The following RARB variants were observed in gnomAD, a reference collection of about 807,000 sequenced individuals.
The protein encoded by RARB is HBV-activated protein.
In RARB, 17 loss-of-function variants were observed where a neutral mutation model predicts 51.9. The observed-to-expected ratio is 0.33, with a 90% CI of 0.22 to 0.49. RARB has a LOEUF of 0.49. Among genes scored for constraint, RARB ranks in the 20% least tolerant of loss-of-function variants. RARB has a pLI of 0.99. For synonymous variants in RARB, 215 were observed against 195.4 expected (o/e 1.10, Z -0.84); for missense variants, 369 against 550.8 (o/e 0.67, Z 3.30).
At chr3:25,591,128 A>G (rs564664424) in intron 5 of RARB, among the ~76,000 whole-genome samples, 9 of 152,350 alleles carry the variant, frequency 5.9e-5, no homozygotes, top group African/African-American at 2.2e-4. Flanking sequence ...CTGGGAGGTG[A>G]AAATAACGAC....
chr3:24,865,560 G>C (rs116518813), intron 2 of RARB, among the ~76,000 whole-genome samples: 4 of 152,082 alleles, frequency 2.6e-5, no homozygotes, highest in African/African-American at 7.2e-5. Context: ...TCCAGAGACC[G>C]TGCTTTACTG....
At chr3:24,853,242 G>T (rs889426784) in intron 1 of RARB, among the ~76,000 whole-genome samples, 1 of 151,966 alleles carries the variant, frequency 6.6e-6, no homozygotes. Flanking sequence ...GTGTGAACCC[G>T]GGAGGCGGAG....
chr3:25,031,992 G>A (rs1019400765), intron 2 of RARB, among the ~76,000 whole-genome samples: 10 of 152,098 alleles, frequency 6.6e-5, no homozygotes, highest in African/African-American at 2.4e-4. Context: ...TCCTCAGAGA[G>A]TTTGCCTTTA....
At chr3:24,986,057 C>T (rs941640392) in intron 2 of RARB, among the ~76,000 whole-genome samples, 2 of 152,168 alleles carry the variant, frequency 1.3e-5, no homozygotes, top group African/African-American at 4.8e-5. Context: ...ATTCTAAGAA[C>T]CACGGGTAAA....
At chr3:25,382,726 T>A (rs186854540) in intron 5 of RARB, among the ~76,000 whole-genome samples, 34 of 152,172 alleles carry the variant, frequency 2.2e-4, no homozygotes, top group African/African-American at 8.2e-4. Context: ...GGTGTGGCGG[T>A]GTGCACCTGT....
chr3:25,531,974 A>G (rs1486521117), intron 3 of RARB, among the ~76,000 whole-genome samples: 1 of 148,056 alleles, frequency 6.8e-6, no homozygotes, highest in East Asian at 2.0e-4. Flanking sequence ...TCATTTCAAT[A>G]CAGTCTGATA....
At chr3:25,370,992 A>C (rs2125471909) in intron 5 of RARB, among the ~76,000 whole-genome samples, 1 of 152,112 alleles carries the variant, frequency 6.6e-6, no homozygotes, top group South Asian at 2.1e-4. Flanking sequence ...ATCTTCATTC[A>C]CGTATCTCCT....
At chr3:24,861,864 G>T (rs73152459) in intron 2 of RARB, among the ~76,000 whole-genome samples, 2,060 of 152,294 alleles carry the variant, frequency 0.014, 26 homozygotes, top group African/African-American at 0.047. Context: ...TGGATGCCCT[G>T]CAGGGACCAC....
intron 3 of RARB, among the ~76,000 whole-genome samples, chr3:25,117,270 G>A (rs1402472642): frequency 6.6e-6 from 1 of 152,160 alleles, no homozygotes; most frequent in Admixed American, 6.5e-5. Flanking sequence ...GTGTGTAACA[G>A]GAATATGTAA....
intron 2 of RARB, among the ~76,000 whole-genome samples, chr3:24,923,877 A>G (rs1430033904): frequency 6.6e-6 from 1 of 152,140 alleles, no homozygotes; most frequent in Non-Finnish European, 1.5e-5. Flanking sequence ...GTGAATTTGG[A>G]GTGGGAGGAA....
At chr3:25,541,760 G>A (rs1699392298) in intron 3 of RARB, among the ~76,000 whole-genome samples, 1 of 152,198 alleles carries the variant, frequency 6.6e-6, no homozygotes, top group Non-Finnish European at 1.5e-5. Context: ...AGCAGACAGT[G>A]TAAATATCCT....
intron 7 of RARB, among the ~76,000 whole-genome samples, 173 bp downstream of exon 7, chr3:25,594,851 A>C (rs1301139284): frequency 2.0e-5 from 3 of 152,022 alleles, no homozygotes; most frequent in South Asian, 2.1e-4. Context: ...AAAAAAAAAA[A>C]AAACACCTCA....
chr3:24,989,578 T>A lies in RARB; in HGVS notation c.-379-70547T>A, dbSNP rs1203622283. On this transcript the variant is annotated intron_variant, in intron 2 of 11. Coordinates refer to the RARB transcript ENST00000383772. ...CCCCTTGATGTTTAATATATATTTT[T>A]CTGATTATTAGTGAAGTTGAGCGTC... is the stretch of plus-strand genomic sequence containing the variant. 3.7e-5 allele frequency among the ~76,000 whole-genome samples: 4 copies of A among 107,948 alleles called. 2 individuals carry two copies. The highest frequency in any genetic ancestry group is 1.4e-4 in the African/African-American group (4 of 27,636). The allele number at this position is 107,948 out of a possible 152,430, so 70.8% of individuals were successfully genotyped here. A position where few individuals can be genotyped will look rare whatever the true frequency, so the allele number is the denominator to read the frequency against.
intron 3 of RARB, among the ~76,000 whole-genome samples, chr3:25,526,304 G>A (rs1253829544): frequency 6.6e-6 from 1 of 152,210 alleles, no homozygotes; most frequent in Non-Finnish European, 1.5e-5. Context: ...CCAAAGGGTG[G>A]TGTTCTTGTA....
intron 3 of RARB, among the ~76,000 whole-genome samples, chr3:25,119,644 G>C (rs1699746665): frequency 6.9e-6 from 1 of 144,244 alleles, no homozygotes; most frequent in Admixed American, 6.8e-5. Context: ...GTGAAAAAGT[G>C]ATAAAACAAA....
intron 3 of RARB, among the ~76,000 whole-genome samples, chr3:25,082,133 G>A (rs565867428): frequency 8.6e-5 from 13 of 151,974 alleles, no homozygotes; most frequent in African/African-American, 2.7e-4. Context: ...CTTTTAACCT[G>A]TGTACTTATA....
At chr3:25,072,719 T>C (rs985065350) in intron 3 of RARB, among the ~76,000 whole-genome samples, 1 of 151,940 alleles carries the variant, frequency 6.6e-6, no homozygotes, top group Non-Finnish European at 1.5e-5. Flanking sequence ...TTTATTTATT[T>C]TTTTTTTGAG....
intron 5 of RARB, among the ~76,000 whole-genome samples, chr3:25,399,663 A>G (rs1707212156): frequency 6.6e-6 from 1 of 152,202 alleles, no homozygotes; most frequent in African/African-American, 2.4e-5. Flanking sequence ...TGGGAAAAAC[A>G]TAGGCCCTTG....
At chr3:25,196,940 T>A (rs1465746650) in intron 5 of RARB, among the ~76,000 whole-genome samples, 2 of 152,026 alleles carry the variant, frequency 1.3e-5, no homozygotes, top group South Asian at 2.1e-4. Context: ...TAAATTTGTT[T>A]AAGTTCTTTG....
Sources: gnomAD v4.1 joint callset for allele counts (sites outside exome capture counted in the v4.1 genomes callset) on GRCh38, gnomAD v4.1.1 for gene constraint, MANE v1.5 for transcripts, NCBI Gene and HGNC (gene_info 2026-07-23, HGNC 2026-07-21) for gene names.